The following NELL1 variants were observed in gnomAD, a reference collection of about 807,000 sequenced individuals.
The protein encoded by NELL1 is neural EGFL like 1, also known as protein kinase C-binding protein NELL1.
In NELL1, 76 loss-of-function variants were observed where a neutral mutation model predicts 107.4. The observed-to-expected ratio is 0.71, with a 90% CI of 0.59 to 0.86. The LOEUF (loss-of-function observed/expected upper bound fraction) is 0.86. NELL1 is among the 40% of genes least tolerant of loss of function. The probability of loss-of-function intolerance (pLI) is 0.00; values close to 1 mark genes in which losing one functional copy is unlikely to be tolerated. For synonymous variants in NELL1, 353 were observed against 341.2 expected (o/e 1.03, Z -0.38); for missense variants, 1,024 against 1,005.5 (o/e 1.02, Z -0.25).
chr11:20,706,419 C>CA (rs1340611899), intron 2 of NELL1, among the ~76,000 whole-genome samples: 1 of 147,264 alleles, frequency 6.8e-6, no homozygotes. Context: ...ATCACAAGGA[C>CA]AAAAAACCAA....
At chr11:21,532,013 C>G (rs1856002628) in intron 15 of NELL1, among the ~76,000 whole-genome samples, 1 of 152,142 alleles carries the variant, frequency 6.6e-6, no homozygotes, top group African/African-American at 2.4e-5. Flanking sequence ...CAATATGGTA[C>G]ATAAAAATGA....
chr11:20,843,305 T>C (rs1848650100), intron 3 of NELL1, among the ~76,000 whole-genome samples: 3 of 152,048 alleles, frequency 2.0e-5, no homozygotes, highest in Admixed American at 1.3e-4. Flanking sequence ...AAAATCATTG[T>C]TGGAATGTAA....
intron 12 of NELL1, among the ~76,000 whole-genome samples, chr11:21,039,153 G>C (rs1853165737): frequency 6.6e-6 from 1 of 152,026 alleles, no homozygotes; most frequent in African/African-American, 2.4e-5. Context: ...GGAAGAGTTT[G>C]AGATAAGAAT....
intron 7 of NELL1, among the ~76,000 whole-genome samples, chr11:20,923,071 C>A (rs1325688846): frequency 6.6e-6 from 1 of 152,150 alleles, no homozygotes; most frequent in Admixed American, 6.5e-5. Flanking sequence ...AGAGCCTGTG[C>A]ATTGCTGTCA....
At chr11:20,981,738 A>G (rs1291789870) in intron 12 of NELL1, among the ~76,000 whole-genome samples, 1 of 151,588 alleles carries the variant, frequency 6.6e-6, no homozygotes, top group Non-Finnish European at 1.5e-5. Flanking sequence ...TAGATTCATT[A>G]AAATAAGGAA....
intron 3 of NELL1, among the ~76,000 whole-genome samples, chr11:20,834,888 A>C (rs1848503891): frequency 6.6e-6 from 1 of 152,170 alleles, no homozygotes; most frequent in Non-Finnish European, 1.5e-5. Context: ...CCTGCCTATC[A>C]GTCCTAACAT....
chr11:21,428,960 G>A (rs1852901736), intron 15 of NELL1, among the ~76,000 whole-genome samples: 1 of 152,172 alleles, frequency 6.6e-6, no homozygotes, highest in African/African-American at 2.4e-5. Context: ...CATTTTGTAT[G>A]TGGGTAGTAA....
intron 2 of NELL1, among the ~76,000 whole-genome samples, chr11:20,696,055 G>A (rs1590212187): frequency 6.6e-6 from 1 of 152,064 alleles, no homozygotes; most frequent in Admixed American, 6.6e-5. Flanking sequence ...TAGATTTTCT[G>A]GTTTGTGTGC....
intron 2 of NELL1, among the ~76,000 whole-genome samples, chr11:20,740,801 T>G (rs547027493): frequency 1.4e-4 from 21 of 152,268 alleles, no homozygotes; most frequent in Middle Eastern, 3.4e-3. Flanking sequence ...CTTAATTTTA[T>G]TTTTTGTAGA....
At chr11:20,947,311 T>C in intron 10 of NELL1, 25 bp from the exon 11 acceptor site, 11 of 1,519,002 alleles carry the variant, frequency 7.2e-6, no homozygotes, top group Non-Finnish European at 1.0e-5. Context: ...AACATCTTTT[T>C]CTTTCCCTAA....
chr11:20,688,890 C>T (rs781481573), intron 2 of NELL1, among the ~76,000 whole-genome samples: 4 of 152,070 alleles, frequency 2.6e-5, no homozygotes, highest in Non-Finnish European at 4.4e-5. Context: ...TCTCTGCAGC[C>T]TCACGAACAT....
intron 14 of NELL1, among the ~76,000 whole-genome samples, chr11:21,343,581 G>A (rs1850622487): frequency 6.6e-6 from 1 of 151,974 alleles, no homozygotes; most frequent in Admixed American, 6.5e-5. Context: ...CTAGGCCATG[G>A]GTGGGCAAAC....
chr11:20,721,644 G>C (rs1329077800), intron 2 of NELL1, among the ~76,000 whole-genome samples: 1 of 152,158 alleles, frequency 6.6e-6, no homozygotes, highest in Admixed American at 6.5e-5. Flanking sequence ...TTCTCCTCTA[G>C]GGAGGGGCAG....
chr11:21,335,392 T>C (rs954126819), intron 14 of NELL1, among the ~76,000 whole-genome samples: 1 of 152,184 alleles, frequency 6.6e-6, no homozygotes, highest in East Asian at 1.9e-4. Flanking sequence ...TTTTTTCTTA[T>C]CCTATTTTAT....
intron 4 of NELL1, among the ~76,000 whole-genome samples, chr11:20,861,906 G>GATTGTGAGA (rs1590357361): frequency 6.6e-6 from 1 of 152,206 alleles, no homozygotes; most frequent in Middle Eastern, 3.2e-3. Flanking sequence ...TCCCTCAAGT[G>GATTGTGAGA]ATTGTGAGAA....
chr11:21,270,840 C>T (rs773614722), intron 14 of NELL1, among the ~76,000 whole-genome samples: 1 of 152,008 alleles, frequency 6.6e-6, no homozygotes, highest in Non-Finnish European at 1.5e-5. Flanking sequence ...GCATTCATGC[C>T]ACAATAGAAT....
At chr11:20,834,531 T>A (rs1185579500) in intron 3 of NELL1, among the ~76,000 whole-genome samples, 1 of 151,932 alleles carries the variant, frequency 6.6e-6, no homozygotes, top group Non-Finnish European at 1.5e-5. Context: ...TGAAACCCCA[T>A]CTCTACTAAA....
intron 15 of NELL1, among the ~76,000 whole-genome samples, chr11:21,474,929 CT>C (rs1349873177): frequency 6.6e-6 from 1 of 152,196 alleles, no homozygotes; most frequent in East Asian, 1.9e-4. Context: ...TTTGACCAAG[CT>C]TTTGTTGCAT....
intron 12 of NELL1, among the ~76,000 whole-genome samples, chr11:21,030,010 T>C (rs1852913949): frequency 6.6e-6 from 1 of 152,196 alleles, no homozygotes; most frequent in South Asian, 2.1e-4. Context: ...AGATTGCCAG[T>C]ACAGAAGTAA....
Sources: allele counts gnomAD v4.1 joint callset (sites outside exome capture counted in the v4.1 genomes callset), GRCh38; gene constraint gnomAD v4.1.1; transcripts MANE v1.5; gene names NCBI Gene and HGNC (gene_info 2026-07-23, HGNC 2026-07-21).